PIGK: variants seen among roughly 807,000 people sequenced by gnomAD.
PIGK encodes the protein phosphatidylinositol glycan anchor biosynthesis class K.
In PIGK, 42 loss-of-function variants were observed where a neutral mutation model predicts 50.6. That is an observed-to-expected ratio of 0.83 (90% CI 0.65 to 1.07). PIGK has a LOEUF of 1.07. PIGK is among the 50% of genes least tolerant of loss of function. The probability of loss-of-function intolerance (pLI) is 0.00; values close to 1 mark genes in which losing one functional copy is unlikely to be tolerated. For missense variants in PIGK, 448 were observed against 488.7 expected (o/e 0.92, Z 0.78); for synonymous variants, 151 against 156.0 (o/e 0.97, Z 0.24).
At chr1:77,139,250 T>C (rs1333830716) in intron 9 of PIGK, among the ~76,000 whole-genome samples, 1 of 151,950 alleles carries the variant, frequency 6.6e-6, no homozygotes, top group Admixed American at 6.6e-5. Flanking sequence ...GAGATTTCCC[T>C]ACTGTTGAGC....
At chr1:77,190,933 G>A (rs552614995) in intron 3 of PIGK, among the ~76,000 whole-genome samples, 1 of 152,216 alleles carries the variant, frequency 6.6e-6, no homozygotes, top group Admixed American at 6.5e-5. Context: ...TCTTCCAATA[G>A]CAGGAGAGGG....
chr1:77,202,533 A>G (rs546850711), intron 3 of PIGK, among the ~76,000 whole-genome samples: 1 of 152,340 alleles, frequency 6.6e-6, no homozygotes, highest in East Asian at 1.9e-4. Flanking sequence ...AAACTGAAAG[A>G]TCAGAATGTC....
In PIGK at chr1:77,092,210, C is replaced by A; in HGVS notation, c.*164G>T. 2.2e-6 allele frequency: 1 copy of A among 448,098 alleles called. No individual in the cohort carries two copies. 27.8% of individuals were successfully genotyped at this position (448,098 alleles called of 1,614,324 possible). A position where few individuals can be genotyped will look rare whatever the true frequency, so the allele number is the denominator to read the frequency against. On this transcript the variant is annotated 3_prime_UTR_variant, in exon 11 of 11. Transcript: ENST00000370812. Reference sequence around the variant, plus strand: ...TAGTGCCATTAAGCAGTTGCATTAACAATTATTTTTCTTTAAGTTATAAAA... The same window carrying A: ...TAGTGCCATTAAGCAGTTGCATTAAAAATTATTTTTCTTTAAGTTATAAAA...
At chr1:77,125,273 C>A (rs1416827806) in intron 9 of PIGK, among the ~76,000 whole-genome samples, 1 of 152,082 alleles carries the variant, frequency 6.6e-6, no homozygotes, top group East Asian at 1.9e-4. Context: ...ATTATTTTCA[C>A]GGAAACATTT....
chr1:77,108,757 T>C (rs899634377), intron 10 of PIGK, among the ~76,000 whole-genome samples: 1 of 152,250 alleles, frequency 6.6e-6, no homozygotes, highest in Non-Finnish European at 1.5e-5. Flanking sequence ...TCTTTTTACA[T>C]AGTCCCATAT....
At chr1:77,191,980 A>G (rs1208513846) in intron 3 of PIGK, among the ~76,000 whole-genome samples, 2 of 152,220 alleles carry the variant, frequency 1.3e-5, no homozygotes, top group African/African-American at 4.8e-5. Flanking sequence ...CTCCAAAGAA[A>G]TCGAATTCTA....
chr1:77,118,767 T>C (rs887701564), intron 10 of PIGK, among the ~76,000 whole-genome samples: 3 of 152,198 alleles, frequency 2.0e-5, no homozygotes, highest in Admixed American at 6.5e-5. Flanking sequence ...ACCTTTATCA[T>C]TTATATAAAC....
chr1:77,113,147 C>A (rs1653891862), intron 10 of PIGK, among the ~76,000 whole-genome samples: 1 of 151,676 alleles, frequency 6.6e-6, no homozygotes, highest in Admixed American at 6.6e-5. Flanking sequence ...TATTTAATGT[C>A]TTTAATATTT....
At chr1:77,184,807 T>A (rs1349219896) in intron 3 of PIGK, among the ~76,000 whole-genome samples, 1 of 152,092 alleles carries the variant, frequency 6.6e-6, no homozygotes, top group African/African-American at 2.4e-5. Flanking sequence ...ACTATTACAG[T>A]GGGAAAGACC....
chr1:77,120,836 C>T (rs2100527422), intron 10 of PIGK, among the ~76,000 whole-genome samples: 1 of 152,168 alleles, frequency 6.6e-6, no homozygotes, highest in East Asian at 1.9e-4. Flanking sequence ...GTTTGTAATT[C>T]AGTGTTAAAA....
At chr1:77,182,141 G>A (rs1243039584) in intron 3 of PIGK, among the ~76,000 whole-genome samples, 3 of 152,152 alleles carry the variant, frequency 2.0e-5, no homozygotes, top group African/African-American at 7.2e-5. Context: ...AATTACATGA[G>A]GGTAGAGCTA....
At chr1:77,204,500 G>C (rs1218823750) in intron 3 of PIGK, among the ~76,000 whole-genome samples, 3 of 152,054 alleles carry the variant, frequency 2.0e-5, no homozygotes, top group African/African-American at 7.2e-5. Flanking sequence ...TGAAGCATGT[G>C]ATCTCTGTGA....
intron 3 of PIGK, among the ~76,000 whole-genome samples, chr1:77,170,163 TC>T (rs1258635439): frequency 2.0e-5 from 3 of 152,180 alleles, no homozygotes; most frequent in African/African-American, 7.2e-5. Context: ...TTCCAAGGAC[TC>T]CCCATTATAT....
chr1:77,169,619 TTTAA>T (rs1227454799), intron 3 of PIGK, among the ~76,000 whole-genome samples: 1 of 152,174 alleles, frequency 6.6e-6, no homozygotes, highest in Non-Finnish European at 1.5e-5. Flanking sequence ...ATGAAGGCAC[TTTAA>T]TTATTTTTTT....
At chr1:77,208,076 T>C (rs1477289252) in intron 2 of PIGK, among the ~76,000 whole-genome samples, 1 of 151,652 alleles carries the variant, frequency 6.6e-6, no homozygotes, top group Non-Finnish European at 1.5e-5. Flanking sequence ...AAATGTAAAA[T>C]TTAGCAAGGA....
chr1:77,120,600 C>T (rs2100527261), intron 10 of PIGK, among the ~76,000 whole-genome samples: 1 of 152,204 alleles, frequency 6.6e-6, no homozygotes, highest in African/African-American at 2.4e-5. Flanking sequence ...ACCAGTTGGA[C>T]CGGCTAATGG....
chr1:77,144,048 G>A (rs1328827320), intron 9 of PIGK, among the ~76,000 whole-genome samples: 2 of 151,994 alleles, frequency 1.3e-5, no homozygotes, highest in Non-Finnish European at 2.9e-5. Context: ...GGACAGAAGA[G>A]GTCCAGTAGT....
rs1042359997 is a variant in PIGK at position 77,092,122 on chromosome 1, A to G, written c.*252T>C. 5 of 215,430 alleles carry G rather than the reference A, an allele frequency of 2.3e-5. No homozygotes were observed. Among genetic ancestry groups the G allele is most frequent in the African/African-American group, 4.6e-5 (2 of 43,406 alleles). 13.3% of individuals were successfully genotyped at this position (215,430 alleles called of 1,614,324 possible). ...AAATTACTATTTTCAAAAACAGTCA[A>G]TGTATTCTGATCTCTGTCTCATTCG... On this transcript the variant is annotated 3_prime_UTR_variant, in exon 11 of 11. Coordinates refer to ENST00000370812, the MANE Select transcript of PIGK (RefSeq NM_005482.3).
chr1:77,192,134 CAA>C (rs563797637), intron 3 of PIGK, among the ~76,000 whole-genome samples: 2 of 134,398 alleles, frequency 1.5e-5, no homozygotes, highest in Non-Finnish European at 1.6e-5. Flanking sequence ...GACCCTGTCT[CAA>C]AAAAAAAAAA....
Sources: gnomAD v4.1 joint callset for allele counts (sites outside exome capture counted in the v4.1 genomes callset) on GRCh38, gnomAD v4.1.1 for gene constraint, MANE v1.5 for transcripts, NCBI Gene and HGNC (gene_info 2026-07-23, HGNC 2026-07-21) for gene names.